The following TMEFF2 variants were observed in gnomAD, a reference collection of about 807,000 sequenced individuals.
The protein encoded by TMEFF2 is tomoregulin-2.
Under a neutral mutation model 53.8 loss-of-function variants are expected in TMEFF2, and 28 were observed. That is an observed-to-expected ratio of 0.52 (90% CI 0.39 to 0.71). TMEFF2 has a LOEUF of 0.71. Among genes scored for constraint, TMEFF2 ranks in the 30% least tolerant of loss-of-function variants. The probability of loss-of-function intolerance (pLI) is 0.00; values close to 1 mark genes in which losing one functional copy is unlikely to be tolerated. For synonymous variants in TMEFF2, 162 were observed against 166.3 expected (o/e 0.97, Z 0.20); for missense variants, 353 against 455.2 (o/e 0.78, Z 2.04).
intron 4 of TMEFF2, among the ~76,000 whole-genome samples, chr2:192,101,846 C>T (rs1217885130): frequency 6.6e-6 from 1 of 152,098 alleles, no homozygotes; most frequent in Non-Finnish European, 1.5e-5. Flanking sequence ...CTGAAGGGGA[C>T]AGTCAGGTCC....
chr2:192,130,019 A>C (rs892775323), intron 4 of TMEFF2, among the ~76,000 whole-genome samples: 1 of 152,214 alleles, frequency 6.6e-6, no homozygotes. Flanking sequence ...CAAAATGTCT[A>C]TAAGTGATTT....
chr2:192,175,479 A>C (rs986093861), intron 4 of TMEFF2, among the ~76,000 whole-genome samples: 31 of 151,624 alleles, frequency 2.0e-4, no homozygotes, highest in African/African-American at 6.0e-4. Flanking sequence ...GATTTTCTAC[A>C]CCAAATTTAT....
At chr2:191,969,912 T>C (rs994093532) in intron 7 of TMEFF2, among the ~76,000 whole-genome samples, 2 of 152,166 alleles carry the variant, frequency 1.3e-5, no homozygotes, top group African/African-American at 4.8e-5. Context: ...AAAAAAGTCA[T>C]GGAATCACTC....
At chr2:192,055,485 C>T (rs1172032874) in intron 5 of TMEFF2, among the ~76,000 whole-genome samples, 3 of 152,016 alleles carry the variant, frequency 2.0e-5, no homozygotes, top group African/African-American at 7.2e-5. Context: ...AAAAACCATA[C>T]ATTTGTTGGC....
chr2:192,065,556 G>T (rs564282763), intron 4 of TMEFF2, among the ~76,000 whole-genome samples: 4 of 151,792 alleles, frequency 2.6e-5, no homozygotes, highest in Non-Finnish European at 3.0e-5. Context: ...ACTTTAGAAT[G>T]CACATTTCTG....
At chr2:192,169,728 A>G (rs1690861623) in intron 4 of TMEFF2, among the ~76,000 whole-genome samples, 1 of 152,100 alleles carries the variant, frequency 6.6e-6, no homozygotes, top group Non-Finnish European at 1.5e-5. Context: ...GAAGATATAG[A>G]TCTGAGAACT....
At chr2:192,022,042 A>G (rs1244335085) in intron 5 of TMEFF2, 1 of 152,228 alleles carries the variant, frequency 6.6e-6, no homozygotes, top group Non-Finnish European at 1.5e-5. Context: ...AGTGTTGGCC[A>G]TAAGAGAATT....
At chr2:192,129,633 C>T (rs1035518270) in intron 4 of TMEFF2, among the ~76,000 whole-genome samples, 5 of 152,074 alleles carry the variant, frequency 3.3e-5, no homozygotes, top group Admixed American at 2.0e-4. Context: ...TAAGGAAATG[C>T]CATATTTATG....
At chr2:191,990,416 A>AGTGTGTGTGTTTGT (rs1553510893) in intron 7 of TMEFF2, among the ~76,000 whole-genome samples, 1 of 147,246 alleles carries the variant, frequency 6.8e-6, no homozygotes, top group Non-Finnish European at 1.5e-5. Flanking sequence ...TGCTCAGAAT[A>AGTGTGTGTGTTTGT]GTGTGTGTGT....
intron 7 of TMEFF2, among the ~76,000 whole-genome samples, chr2:191,964,362 T>TTCTTTCTTTCTTTCTTTC (rs1692384510): frequency 4.0e-5 from 4 of 101,004 alleles, no homozygotes; most frequent in African/African-American, 1.8e-4. Context: ...CTTTCTTTCT[T>TTCTTTCTTTCTTTCTTTC]TCTTTCTTTC....
At chr2:192,191,752 T>C in intron 2 of TMEFF2, 128 bp downstream of exon 2, 1 of 625,632 alleles carries the variant, frequency 1.6e-6, no homozygotes, top group African/African-American at 1.8e-5. Flanking sequence ...TTGCTAGTAC[T>C]TTTGCTTGGT....
intron 4 of TMEFF2, among the ~76,000 whole-genome samples, chr2:192,123,940 C>T (rs1459642458): frequency 6.6e-6 from 1 of 152,220 alleles, no homozygotes; most frequent in Non-Finnish European, 1.5e-5. Flanking sequence ...TTTCAACTCA[C>T]TCCTTTCTGT....
At chr2:192,133,128 T>C (rs1689899287) in intron 4 of TMEFF2, among the ~76,000 whole-genome samples, 1 of 152,110 alleles carries the variant, frequency 6.6e-6, no homozygotes, top group Non-Finnish European at 1.5e-5. Context: ...CAATACTCTT[T>C]TAAGCACTCC....
intron 4 of TMEFF2, among the ~76,000 whole-genome samples, chr2:192,116,443 T>G (rs868513612): frequency 2.0e-5 from 3 of 152,162 alleles, no homozygotes; most frequent in Middle Eastern, 3.4e-3. Context: ...ATGTATTGTA[T>G]ACGTGAAACT....
chr2:191,976,406 G>A (rs1408077790), intron 7 of TMEFF2, among the ~76,000 whole-genome samples: 4 of 152,090 alleles, frequency 2.6e-5, no homozygotes, highest in African/African-American at 9.7e-5. Context: ...ATTTTCAAAC[G>A]AATAAAAAGG....
chr2:191,986,627 A>G (rs905485692), intron 7 of TMEFF2, among the ~76,000 whole-genome samples: 6 of 151,506 alleles, frequency 4.0e-5, no homozygotes, highest in African/African-American at 1.2e-4. Flanking sequence ...TGGGAGGCCA[A>G]CGTGGGCAGA....
At chr2:191,965,234 T>TTCTCCCACTTCCTTCCCCTGCTTCTTA (rs1692437327) in intron 7 of TMEFF2, among the ~76,000 whole-genome samples, 2 of 152,148 alleles carry the variant, frequency 1.3e-5, no homozygotes, top group African/African-American at 4.8e-5. Context: ...CATCAGATCC[T>TTCTCCCACTTCCTTCCCCTGCTTCTTA]TCTCCCACTT....
intron 4 of TMEFF2, among the ~76,000 whole-genome samples, chr2:192,075,310 T>TATATATATATAA (rs1553518816): frequency 1.3e-5 from 1 of 74,914 alleles, no homozygotes; most frequent in Non-Finnish European, 2.7e-5. Context: ...TATATATATA[T>TATATATATATAA]ATATATATAT....
At chr2:192,097,001 T>TA (rs1688927384) in intron 4 of TMEFF2, among the ~76,000 whole-genome samples, 1 of 152,166 alleles carries the variant, frequency 6.6e-6, no homozygotes, top group South Asian at 2.1e-4. Flanking sequence ...TCTTAGTATT[T>TA]AATGTGCTAA....
Sources: allele counts gnomAD v4.1 joint callset (sites outside exome capture counted in the v4.1 genomes callset), GRCh38; gene constraint gnomAD v4.1.1; transcripts MANE v1.5; gene names NCBI Gene and HGNC (gene_info 2026-07-23, HGNC 2026-07-21).